The following FAM98C variants were observed in gnomAD, a reference collection of about 807,000 sequenced individuals.
FAM98C encodes tRNA splicing ligase complex subunit 3C, also known as protein FAM98C.
In FAM98C, 38 loss-of-function variants were observed where a neutral mutation model predicts 41.1. That is an observed-to-expected ratio of 0.92 (90% CI 0.71 to 1.21). FAM98C has a LOEUF of 1.21. FAM98C is among the 50% of genes most tolerant of loss of function. FAM98C has a pLI of 0.00. For synonymous variants in FAM98C, 195 were observed against 216.7 expected, an observed-to-expected ratio of 0.90 and a Z score of 0.88; for missense variants, 493 against 484.7, an observed-to-expected ratio of 1.02 and a Z score of -0.16.
At chr19:38,406,779 T>A in intron 6 of FAM98C, 131 bp from the exon 7 acceptor site, 1 of 986,250 alleles carries the variant, frequency 1.0e-6, no homozygotes, top group Non-Finnish European at 1.5e-6. Context: ...CGAGACCCTG[T>A]CTCAAAAAAT....
rs1407360682 is a variant in FAM98C, at chr19:38,403,389, C to G, written c.117C>G (p.Phe39Leu). The G allele has an allele frequency of 6.8e-7, 1 of 1,463,970 alleles. No individual in the cohort carries two copies. Among genetic ancestry groups the G allele is most frequent in the East Asian group, 2.9e-5 (1 of 35,038 alleles). The allele number at this position is 1,463,970 out of a possible 1,614,324, so 90.7% of individuals were successfully genotyped here. The change falls in exon 2 of 8, where the codon TTC becomes TTG. Residue 39 changes from phenylalanine to leucine, a missense_variant. Physicochemically the swap from Phe to Leu is conservative, Grantham distance 22. Coordinates refer to ENST00000252530, the MANE Select transcript of FAM98C (RefSeq NM_174905.4). ...AASRGASCPD[F>L]RGLCVRLAAE... The stretch of plus-strand genomic sequence containing the variant: ...CGCGGGGCGCCTCATGCCCAGACTT[C>G]AGGGGGCTGTGCGTGCGGCTGGCGG...
rs542705240 is a variant in FAM98C at position 38,405,528 on chromosome 19, G to A, written c.643G>A (p.Glu215Lys). 6.2e-7 allele frequency: 1 copy of A among 1,614,046 alleles called. No homozygotes were observed. The highest frequency in any genetic ancestry group is 2.2e-5 in the East Asian group (1 of 44,894). Reference sequence around the variant, plus strand: ...AGACCTTTTCTCCCAGGAAGCGTTGGAGTCTCTGTCCCAAAGCCTCAGAGA... The same window carrying A: ...AGACCTTTTCTCCCAGGAAGCGTTGAAGTCTCTGTCCCAAAGCCTCAGAGA... ...SLDAPRWEALESLSQSLRDQY... is the reference protein window; with the variant it reads ...SLDAPRWEALKSLSQSLRDQY... The change falls in exon 6 of 8, where the codon GAG becomes AAG. Residue 215 changes from glutamate to lysine, a missense_variant. Physicochemically the swap from Glu to Lys is moderately conservative, Grantham distance 56. Coordinates refer to ENST00000252530, the MANE Select transcript of FAM98C (RefSeq NM_174905.4).
intron 6 of FAM98C, 182 bp downstream of exon 6, chr19:38,405,817 C>T (rs976771798): frequency 4.9e-6 from 3 of 609,156 alleles, no homozygotes; most frequent in Non-Finnish European, 5.8e-6. Flanking sequence ...TTGTTGAATT[C>T]CCAGCTCTGA....
chr19:38,403,266 G>A, intron 1 of FAM98C, 48 bp downstream of exon 1: 3 of 1,535,536 alleles, frequency 2.0e-6, no homozygotes, highest in Non-Finnish European at 2.6e-6. Context: ...GGCCAGGTCT[G>A]CCCCCTGGAC....
At chr19:38,404,538 TC>T (rs201671268) in intron 3 of FAM98C, among the ~76,000 whole-genome samples, 2 of 151,046 alleles carry the variant, frequency 1.3e-5, no homozygotes, top group African/African-American at 2.4e-5. Flanking sequence ...CGGTGGAGCC[TC>T]TTTTTTTTTT....
rs768258248 is a variant in FAM98C at position 38,408,826 on chromosome 19, C to T, written c.994C>T (p.Arg332Ter). 3.9e-5 allele frequency: 62 copies of T among 1,607,786 alleles called. No individual in the cohort carries two copies. Among genetic ancestry groups the T allele is most frequent in the Non-Finnish European group, 4.8e-5 (56 of 1,177,802 alleles). Residue 332 changes from arginine to a stop codon, truncating the protein, a stop_gained, in exon 8 of 8, where the codon CGA (arginine) becomes TGA (stop). Transcript: ENST00000252530. LOFTEE classifies it high-confidence loss of function. Reference sequence around the variant, plus strand: ...GCCTCCCATGCCCACCTGGAGGAGCCGAAGAGAGGATGGAGGCCCCCAGTG... The same window carrying T: ...GCCTCCCATGCCCACCTGGAGGAGCTGAAGAGAGGATGGAGGCCCCCAGTG... ...LEPPMPTWRS[R>*]REDGGPQCWG...
At chr19:38,407,143 C>T in intron 7 of FAM98C, 66 bp downstream of exon 7, 3 of 1,570,226 alleles carry the variant, frequency 1.9e-6, no homozygotes, top group Middle Eastern at 2.0e-4. Context: ...TCAGCCTCTG[C>T]TCCAGTCCAA....
chr19:38,403,844 C>A, intron 3 of FAM98C, 150 bp downstream of exon 3: 1 of 817,334 alleles, frequency 1.2e-6, no homozygotes, highest in Non-Finnish European at 1.6e-6. Flanking sequence ...CATGTTGGGG[C>A]AAGCAGAGCG....
chr19:38,407,227 C>T, intron 7 of FAM98C, 150 bp downstream of exon 7: 2 of 819,242 alleles, frequency 2.4e-6, no homozygotes, highest in Non-Finnish European at 3.8e-6. Flanking sequence ...CAAAAACTGA[C>T]TGTGGACTCC....
At position 38,403,145 on chromosome 19, in the gene FAM98C, C is replaced by G. The variant is rs773654359; in HGVS notation, c.-9C>G. 48 of 1,522,338 alleles carry G rather than the reference C, an allele frequency of 3.2e-5. No individual in the cohort carries two copies. The highest frequency in any genetic ancestry group is 4.2e-5 in the Non-Finnish European group (48 of 1,149,670). 94.3% of individuals were successfully genotyped at this position (1,522,338 alleles called of 1,614,324 possible). A position where few individuals can be genotyped will look rare whatever the true frequency, so the allele number is the denominator to read the frequency against. ...CGGCCGCCAGGGGGCGCGCCGAGACCACACTTTCATGGAGGCGGTGAAGGC... is the reference window on the plus strand; with the variant it reads ...CGGCCGCCAGGGGGCGCGCCGAGACGACACTTTCATGGAGGCGGTGAAGGC... On this transcript the variant is annotated 5_prime_UTR_variant, in exon 1 of 8. Coordinates refer to ENST00000252530, the MANE Select transcript of FAM98C (RefSeq NM_174905.4).
chr19:38,405,538 C>T lies in FAM98C; in HGVS notation c.653C>T (p.Ser218Phe), dbSNP rs1326415648. ...TCCCAGGAAGCGTTGGAGTCTCTGTCCCAAAGCCTCAGAGATCAGTACCGC... is the reference window on the plus strand; with the variant it reads ...TCCCAGGAAGCGTTGGAGTCTCTGTTCCAAAGCCTCAGAGATCAGTACCGC... Reference protein sequence around the residue: ...APRWEALESLSQSLRDQYRCR... With the variant: ...APRWEALESLFQSLRDQYRCR... The change falls in exon 6 of 8, where the codon TCC (serine) becomes TTC (phenylalanine). Residue 218 changes from serine to phenylalanine, a missense_variant. Physicochemically the swap from Ser to Phe is radical, Grantham distance 155 (BLOSUM62 -2). Coordinates refer to ENST00000252530, the MANE Select transcript of FAM98C (RefSeq NM_174905.4). 26 of 1,614,044 alleles carry T rather than the reference C, an allele frequency of 1.6e-5. No homozygotes were observed. In the Admixed American group the frequency reaches 4.2e-4, roughly 26 times the overall value.
chr19:38,406,922 G>A lies in FAM98C; in HGVS notation c.763G>A (p.Ala255Thr), dbSNP rs753205605. The change falls in exon 7 of 8, where the codon GCC (alanine) becomes ACC (threonine). Residue 255 changes from alanine (A) to threonine (T), a missense_variant. Ala to Thr is a moderately conservative substitution (Grantham distance 58). Coordinates refer to ENST00000252530, the MANE Select transcript of FAM98C (RefSeq NM_174905.4). ...WSDRAEAQGE[A>T]MRAVLIPIRE... ...CTCCCCACTCCAGGCCCAAGGAGAG[G>A]CCATGAGGGCAGTGCTGATCCCAAT... is the stretch of plus-strand genomic sequence containing the variant. 5.0e-6 allele frequency: 8 copies of A among 1,614,140 alleles called. No homozygotes were observed. In the Admixed American group the frequency reaches 1.0e-4, roughly 20 times the overall value.
At chr19:38,404,750 C>G (rs1237269956) in intron 3 of FAM98C, 158 bp from the exon 4 acceptor site, 12 of 739,862 alleles carry the variant, frequency 1.6e-5, no homozygotes, top group Admixed American at 8.1e-5. Flanking sequence ...AGGCTGGTCT[C>G]CATCTCCTGA....
intron 3 of FAM98C, among the ~76,000 whole-genome samples, chr19:38,404,335 G>A (rs1163610496): frequency 6.6e-6 from 1 of 152,088 alleles, no homozygotes; most frequent in African/African-American, 2.4e-5. Context: ...AAGGCTTTAG[G>A]TGGGGGGGAC....
chr19:38,404,970 A>C lies in FAM98C; in HGVS notation c.412A>C (p.Ser138Arg). 2 of 1,614,092 alleles carry C rather than the reference A, an allele frequency of 1.2e-6. No homozygotes were observed. The highest frequency in any genetic ancestry group is 1.7e-6 in the Non-Finnish European group (2 of 1,180,008). Residue 138 changes from serine (S) to arginine (R), a missense_variant, in exon 4 of 8, where the codon AGT (serine) becomes CGT (arginine). Transcript: ENST00000252530. ...LLCLRSLLDP[S>R]PRPPLGEGVV... ...GTGCCTCCGCTCTCTGCTGGATCCG[A>C]GTCCTAGGCCACCCCTTGGTGAAGG...
At chr19:38,403,783 T>G (rs1258960830) in intron 3 of FAM98C, 89 bp downstream of exon 3, 1 of 1,335,220 alleles carries the variant, frequency 7.5e-7, no homozygotes, top group East Asian at 3.1e-5. Flanking sequence ...TCCCAAGGGG[T>G]GTGGTCAGAA....
intron 7 of FAM98C, 153 bp from the exon 8 acceptor site, chr19:38,408,598 T>C (rs1308622012): frequency 1.1e-6 from 1 of 905,192 alleles, no homozygotes; most frequent in African/African-American, 1.7e-5. Flanking sequence ...TGCTAGTATC[T>C]TCCACCAGTT....
intron 6 of FAM98C, chr19:38,406,154 CT>C (rs60993532): frequency 9.4e-5 from 14 of 148,692 alleles, no homozygotes; most frequent in Middle Eastern, 3.5e-3. Flanking sequence ...TGCACCCAGC[CT>C]TTTTTTTTTA....
intron 7 of FAM98C, 60 bp from the exon 8 acceptor site, chr19:38,408,691 T>C: frequency 6.2e-7 from 1 of 1,612,292 alleles, no homozygotes; most frequent in South Asian, 1.1e-5. Flanking sequence ...CCCTTCGCTC[T>C]CTGGCCCCCT....
Sources: allele counts gnomAD v4.1 joint callset (sites outside exome capture counted in the v4.1 genomes callset), GRCh38; gene constraint gnomAD v4.1.1; transcripts MANE v1.5; gene names NCBI Gene and HGNC (gene_info 2026-07-23, HGNC 2026-07-21).